The following RCAN1 variants were observed in gnomAD, a reference collection of about 807,000 sequenced individuals.
RCAN1 encodes the protein regulator of calcineurin 1, also known as calcipressin-1.
Under a neutral mutation model 22.9 loss-of-function variants are expected in RCAN1, and 11 were observed. The ratio of observed to expected loss-of-function variants is 0.48; its 90% confidence interval spans 0.30 to 0.79. The LOEUF (loss-of-function observed/expected upper bound fraction) is 0.79, where lower values mean the gene tolerates loss of function less well. RCAN1 is among the 30% of genes least tolerant of loss of function. The pLI, the probability that RCAN1 is intolerant of heterozygous loss-of-function variation, is 0.06. For synonymous variants in RCAN1, 136 were observed against 142.3 expected (o/e 0.96, Z 0.32); for missense variants, 291 against 337.8 (o/e 0.86, Z 1.09).
At chr21:34,544,061 G>C (rs1428117394) in intron 1 of RCAN1, among the ~76,000 whole-genome samples, 2 of 152,226 alleles carry the variant, frequency 1.3e-5, no homozygotes, top group African/African-American at 2.4e-5. Context: ...GCATAGGTAG[G>C]TGCTTTTCAG....
chr21:34,573,384 T>C (rs746393635), intron 1 of RCAN1, among the ~76,000 whole-genome samples: 2 of 152,258 alleles, frequency 1.3e-5, no homozygotes, highest in Non-Finnish European at 2.9e-5. Flanking sequence ...TTGCCTTCAC[T>C]GAGTTCCCTC....
chr21:34,604,734 G>A (rs1988470985), intron 1 of RCAN1, among the ~76,000 whole-genome samples: 1 of 152,238 alleles, frequency 6.6e-6, no homozygotes, highest in South Asian at 2.1e-4. Context: ...GAGAGGTGGT[G>A]TTTGTCATTC....
intron 1 of RCAN1, among the ~76,000 whole-genome samples, chr21:34,532,348 A>G (rs532107813): frequency 3.3e-5 from 5 of 152,322 alleles, no homozygotes; most frequent in African/African-American, 1.2e-4. Context: ...TTGGCCAAGC[A>G]AAAAATGTTT....
intron 2 of RCAN1, 111 bp from the exon 3 acceptor site, chr21:34,521,769 G>C: frequency 1.2e-6 from 1 of 857,158 alleles, no homozygotes; most frequent in Non-Finnish European, 1.8e-6. Flanking sequence ...CCAGGCGTCA[G>C]GACAGGTGTG....
In RCAN1 at chr21:34,599,385, A is replaced by C. The variant is rs569681860; in HGVS notation, c.252+15375T>G. 7.5e-4 allele frequency among the ~76,000 whole-genome samples: 114 copies of C among 152,222 alleles called. 1 individual carries two copies. The highest frequency in any genetic ancestry group is 2.7e-3 in the African/African-American group (111 of 41,542). On this transcript the variant is annotated intron_variant, in intron 1 of 3. Transcript: ENST00000313806. ...GTTGCTCAGGAGGCTGAGGCAGGAG[A>C]ATCATTTGAACCCGGGAGGTGGAGG...
intron 1 of RCAN1, among the ~76,000 whole-genome samples, chr21:34,526,462 T>C (rs1219198538): frequency 6.6e-6 from 1 of 152,074 alleles, no homozygotes; most frequent in East Asian, 1.9e-4. Context: ...TGTTGTCAAA[T>C]ATTGAGATCT....
At chr21:34,540,700 C>T (rs1232503060) in intron 1 of RCAN1, among the ~76,000 whole-genome samples, 1 of 152,112 alleles carries the variant, frequency 6.6e-6, no homozygotes, top group East Asian at 1.9e-4. Flanking sequence ...AAAAAGCTCA[C>T]AGTGGGCCAG....
intron 1 of RCAN1, among the ~76,000 whole-genome samples, chr21:34,529,901 C>G (rs997415323): frequency 1.3e-5 from 2 of 152,182 alleles, no homozygotes; most frequent in South Asian, 4.1e-4. Flanking sequence ...ATAAGTCTCA[C>G]GAGATCTGAT....
intron 1 of RCAN1, among the ~76,000 whole-genome samples, chr21:34,574,861 C>T (rs1026210401): frequency 6.6e-6 from 1 of 152,182 alleles, no homozygotes; most frequent in Non-Finnish European, 1.5e-5. Context: ...TAGCTGGCAT[C>T]GAAGAACATT....
chr21:34,572,284 C>T (rs775060268), intron 1 of RCAN1, among the ~76,000 whole-genome samples: 2 of 152,162 alleles, frequency 1.3e-5, no homozygotes, highest in Non-Finnish European at 2.9e-5. Context: ...TTTTGGGTCC[C>T]GGACCCACTG....
intron 1 of RCAN1, among the ~76,000 whole-genome samples, chr21:34,537,565 C>A: frequency 6.6e-6 from 1 of 152,230 alleles, no homozygotes; most frequent in Admixed American, 6.5e-5. Context: ...ATACCCCAGG[C>A]CTCATCACTG....
chr21:34,599,127 C>T lies in RCAN1; in HGVS notation c.252+15633G>A, dbSNP rs1988254877. 2.0e-5 allele frequency among the ~76,000 whole-genome samples: 3 copies of T among 152,258 alleles called. No individual in the cohort carries two copies. In the South Asian group the frequency reaches 6.2e-4, roughly 32 times the overall value. On this transcript the variant is annotated intron_variant, in intron 1 of 3. Transcript: ENST00000313806. ...AACGTAAAGTAACCATACCTCCTGGCTCAGAAATTCCACTTCTAGCAATGT... is the reference window on the plus strand; with the variant it reads ...AACGTAAAGTAACCATACCTCCTGGTTCAGAAATTCCACTTCTAGCAATGT...
At chr21:34,548,781 T>C (rs1986244534) in intron 1 of RCAN1, among the ~76,000 whole-genome samples, 1 of 152,238 alleles carries the variant, frequency 6.6e-6, no homozygotes, top group Admixed American at 6.5e-5. Context: ...GTTCAAAATA[T>C]GCCGGCAAAG....
chr21:34,546,539 G>A (rs1362099466), intron 1 of RCAN1, among the ~76,000 whole-genome samples: 3 of 152,136 alleles, frequency 2.0e-5, no homozygotes, highest in Non-Finnish European at 2.9e-5. Flanking sequence ...AGGAGCTGAC[G>A]CAAAGAAGAC....
intron 3 of RCAN1, chr21:34,520,942 C>G: frequency 2.4e-6 from 1 of 420,338 alleles, no homozygotes; most frequent in Non-Finnish European, 3.3e-6. Context: ...CGGGAACTTC[C>G]TCTTTCTTTA....
rs7277267 is a variant in RCAN1 at position 34,598,360 on chromosome 21, G to A, written c.252+16400C>T. 4.4e-3 allele frequency among the ~76,000 whole-genome samples: 666 copies of A among 152,278 alleles called. 3 individuals carry two copies. The highest frequency in any genetic ancestry group is 0.015 in the African/African-American group (628 of 41,552). On this transcript the variant is annotated intron_variant, in intron 1 of 3. Transcript: ENST00000313806. ...TCATGAAAACAGTAGTATGAAACTGGCTTAGAAATGAACAAAAAGATCAAG... is the reference window on the plus strand; with the variant it reads ...TCATGAAAACAGTAGTATGAAACTGACTTAGAAATGAACAAAAAGATCAAG...
At chr21:34,574,582 T>C (rs1443707117) in intron 1 of RCAN1, among the ~76,000 whole-genome samples, 2 of 152,112 alleles carry the variant, frequency 1.3e-5, no homozygotes, top group Non-Finnish European at 2.9e-5. Context: ...ATGTTTGTCA[T>C]AACTGAGAAG....
intron 1 of RCAN1, among the ~76,000 whole-genome samples, chr21:34,535,535 AC>A: frequency 6.6e-6 from 1 of 152,324 alleles, no homozygotes; most frequent in East Asian, 1.9e-4. Flanking sequence ...GTTTAAAAAA[AC>A]ACTTTGAAGT....
intron 3 of RCAN1, among the ~76,000 whole-genome samples, chr21:34,519,397 C>CTTTCTTT (rs1555853490): frequency 2.1e-3 from 217 of 102,792 alleles, no homozygotes; most frequent in African/African-American, 7.7e-3. Flanking sequence ...TTCTTTCTTT[C>CTTTCTTT]TTTTTTTTTT....
Sources: gnomAD v4.1 joint callset for allele counts (sites outside exome capture counted in the v4.1 genomes callset) on GRCh38, gnomAD v4.1.1 for gene constraint, MANE v1.5 for transcripts, NCBI Gene and HGNC (gene_info 2026-07-23, HGNC 2026-07-21) for gene names.